SMYD4: variants seen among roughly 807,000 people sequenced by gnomAD.
The protein encoded by SMYD4 is protein-lysine N-methyltransferase SMYD4.
SMYD4 carries 68 observed loss-of-function variants against 72.8 expected under a neutral mutation model. That is an observed-to-expected ratio of 0.93 (90% CI 0.77 to 1.14). SMYD4 has a LOEUF of 1.14. Among genes scored for constraint, SMYD4 ranks in the 50% most tolerant of loss-of-function variants. SMYD4 has a pLI of 0.00. For synonymous variants in SMYD4, 407 were observed against 388.6 expected, an observed-to-expected ratio of 1.05 and a Z score of -0.56; for missense variants, 984 against 1,003.7, an observed-to-expected ratio of 0.98 and a Z score of 0.27.
chr17:1,816,838 G>A (rs867402966), intron 2 of SMYD4, among the ~76,000 whole-genome samples: 4 of 151,766 alleles, frequency 2.6e-5, no homozygotes, highest in East Asian at 1.9e-4. Flanking sequence ...ACATCTTTTC[G>A]TGTGTCTACT....
intron 6 of SMYD4, 48 bp downstream of exon 6, chr17:1,787,374 C>T: frequency 6.5e-7 from 1 of 1,548,654 alleles, no homozygotes; most frequent in Non-Finnish European, 8.7e-7. Flanking sequence ...CGTCCCCGTC[C>T]TTTTCTGTTG....
chr17:1,816,621 A>T (rs2151249591), intron 2 of SMYD4, among the ~76,000 whole-genome samples: 1 of 149,076 alleles, frequency 6.7e-6, no homozygotes, highest in African/African-American at 2.4e-5. Flanking sequence ...CTCTGTCTCA[A>T]AAAAAAAAAA....
At chr17:1,824,486 TG>T (rs1467097250) in intron 2 of SMYD4, among the ~76,000 whole-genome samples, 1 of 152,184 alleles carries the variant, frequency 6.6e-6, no homozygotes, top group East Asian at 1.9e-4. Context: ...AATCTCATCT[TG>T]AACTGTTATT....
At chr17:1,823,364 A>G (rs1354771015) in intron 2 of SMYD4, among the ~76,000 whole-genome samples, 3 of 131,986 alleles carry the variant, frequency 2.3e-5, no homozygotes, top group African/African-American at 5.7e-5. Flanking sequence ...ACTGCACTCT[A>G]GCTTGGGTGA....
At chr17:1,785,553 G>C (rs1908638549) in intron 7 of SMYD4, among the ~76,000 whole-genome samples, 1 of 151,984 alleles carries the variant, frequency 6.6e-6, no homozygotes, top group Admixed American at 6.6e-5. Flanking sequence ...AGGAGATCGA[G>C]ACCAGCCTGG....
intron 5 of SMYD4, among the ~76,000 whole-genome samples, chr17:1,794,053 GTGTGTATATATA>G (rs1212239773): frequency 1.3e-4 from 6 of 47,056 alleles, no homozygotes; most frequent in African/African-American, 2.1e-4. Flanking sequence ...ATATATATAT[GTGTGTATATATA>G]TGTGTATATA....
At chr17:1,820,831 A>C (rs932706763) in intron 2 of SMYD4, among the ~76,000 whole-genome samples, 1 of 152,180 alleles carries the variant, frequency 6.6e-6, no homozygotes, top group African/African-American at 2.4e-5. Flanking sequence ...CAAGAAAGAA[A>C]AGTGTGTGCT....
chr17:1,824,861 G>A (rs1911083083), intron 2 of SMYD4, among the ~76,000 whole-genome samples: 1 of 152,058 alleles, frequency 6.6e-6, no homozygotes. Context: ...CTGACTTCAA[G>A]TGATCCTCCT....
At chr17:1,807,785 G>C (rs118010343) in intron 3 of SMYD4, among the ~76,000 whole-genome samples, 264 of 152,314 alleles carry the variant, frequency 1.7e-3, no homozygotes, top group Non-Finnish European at 2.9e-3. Context: ...TGTGTGTGCA[G>C]GAGTGGAAGG....
In SMYD4 at chr17:1,800,303, C is replaced by A; in HGVS notation, c.1091G>T (p.Arg364Leu). ...ATCACAAAGCTTCGTTATGATTTTG[C>A]GAACATCCTCAAATCCCACCAAAAG... ...LTLLVGFEDVRKIITKLCDKI... is the reference protein window; with the variant it reads ...LTLLVGFEDVLKIITKLCDKI... The change falls in exon 5 of 11, where the codon CGC becomes CTC. Residue 364 changes from arginine to leucine, a missense_variant. By Grantham distance (102) the Arg-to-Leu change is moderately radical. Coordinates refer to ENST00000305513, the MANE Select transcript of SMYD4 (RefSeq NM_052928.3). 6.2e-7 allele frequency: 1 copy of A among 1,614,034 alleles called. No individual in the cohort carries two copies. The highest frequency in any genetic ancestry group is 1.3e-5 in the African/African-American group (1 of 75,000).
chr17:1,788,038 C>T (rs1344164686), intron 5 of SMYD4, among the ~76,000 whole-genome samples: 3 of 152,134 alleles, frequency 2.0e-5, no homozygotes, highest in South Asian at 4.1e-4. Flanking sequence ...ACAGAACAAG[C>T]GACCTAGTTA....
intron 2 of SMYD4, among the ~76,000 whole-genome samples, chr17:1,821,845 C>T (rs1173574237): frequency 1.3e-5 from 2 of 151,562 alleles, no homozygotes; most frequent in Non-Finnish European, 2.9e-5. Context: ...GCATGAGAAT[C>T]GCTTGAACCT....
chr17:1,811,831 G>A, intron 3 of SMYD4, 140 bp downstream of exon 3: 1 of 832,450 alleles, frequency 1.2e-6, no homozygotes, highest in Non-Finnish European at 1.8e-6. Context: ...GGAGACTAAG[G>A]TGGGAGGATC....
At chr17:1,796,028 T>G (rs374219295) in intron 5 of SMYD4, among the ~76,000 whole-genome samples, 248 of 151,924 alleles carry the variant, frequency 1.6e-3, no homozygotes, top group Non-Finnish European at 2.6e-3. Context: ...TAGAACCTCA[T>G]AGATAAAGCC....
intron 8 of SMYD4, 198 bp from the exon 9 acceptor site, chr17:1,783,674 C>T (rs988788930): frequency 3.1e-6 from 3 of 955,910 alleles, no homozygotes; most frequent in African/African-American, 1.7e-5. Context: ...TGGAGAAAGG[C>T]GCTAGGGGAG....
intron 5 of SMYD4, among the ~76,000 whole-genome samples, chr17:1,799,228 C>T (rs1157698577): frequency 6.7e-6 from 1 of 149,752 alleles, no homozygotes; most frequent in Admixed American, 6.7e-5. Flanking sequence ...CACTGCACCC[C>T]AGCCTGGGGG....
rs1363455690 is a variant in SMYD4, at chr17:1,827,909, G to A, written c.86C>T (p.Thr29Ile). The stretch of plus-strand genomic sequence containing the variant: ...AAAGATATCCCTCAAGGTCTCTGCT[G>A]TAGAAATTGTGACCTGAACAGACGT... ...LPTSVQVTIS[T>I]AETLRDIFLH... Residue 29 changes from threonine to isoleucine, a missense_variant, in exon 2 of 11, where the codon ACA becomes ATA. By Grantham distance (89) the Thr-to-Ile change is moderately conservative. Transcript: ENST00000305513. The A allele has an allele frequency of 3.7e-6, 6 of 1,613,310 alleles. No homozygotes were observed. Among genetic ancestry groups the A allele is most frequent in the East Asian group, 4.5e-5 (2 of 44,876 alleles).
intron 5 of SMYD4, among the ~76,000 whole-genome samples, chr17:1,797,090 T>A (rs548488969): frequency 6.6e-6 from 1 of 152,312 alleles, no homozygotes; most frequent in South Asian, 2.1e-4. Flanking sequence ...GATACCTATA[T>A]ACCATATAAC....
chr17:1,783,311 G>A lies in SMYD4; in HGVS notation c.2137+49C>T, dbSNP rs375480331. On this transcript the variant is annotated intron_variant, in intron 9 of 10. Transcript: ENST00000305513. ...GACAAGGCCGGGGCCACGGCGAAGTGCCCACAGCAGACTGTTCCCGACGCA... is the reference window on the plus strand; with the variant it reads ...GACAAGGCCGGGGCCACGGCGAAGTACCCACAGCAGACTGTTCCCGACGCA... 5 of 1,610,524 alleles carry A rather than the reference G, an allele frequency of 3.1e-6. No individual in the cohort carries two copies. In the African/African-American group the frequency reaches 4.0e-5, roughly 13 times the overall value.
Sources: gnomAD v4.1 joint callset for allele counts (sites outside exome capture counted in the v4.1 genomes callset) on GRCh38, gnomAD v4.1.1 for gene constraint, MANE v1.5 for transcripts, NCBI Gene and HGNC (gene_info 2026-07-23, HGNC 2026-07-21) for gene names.